RNF220: variants seen among roughly 807,000 people sequenced by gnomAD.
The protein encoded by RNF220 is ring finger protein 220, also known as E3 ubiquitin-protein ligase RNF220.
A neutral mutation model predicts 67.1 loss-of-function variants in RNF220; 7 were observed. The ratio of observed to expected loss-of-function variants is 0.10; its 90% CI spans 0.06 to 0.20. The LOEUF is 0.20. Among genes scored for constraint, RNF220 ranks in the 10% least tolerant of loss-of-function variants. RNF220 has a pLI of 1.00. For synonymous variants in RNF220, 270 were observed against 283.2 expected, an observed-to-expected ratio of 0.95 and a Z score of 0.47; for missense variants, 565 against 740.3, an observed-to-expected ratio of 0.76 and a Z score of 2.75.
intron 2 of RNF220, among the ~76,000 whole-genome samples, chr1:44,431,460 C>G (rs1040974039): frequency 4.0e-5 from 6 of 149,890 alleles, no homozygotes; most frequent in Non-Finnish European, 8.9e-5. Context: ...CCACTGCACT[C>G]CAGCCTGGGC....
chr1:44,450,958 C>T lies in RNF220; in HGVS notation c.625+38236C>T, dbSNP rs183169029. ...CAGCACTTTGGTAGGCCGAGGTGGG[C>T]GGATCACGAGGTCAGGAGATCCAGA... On this transcript the variant is annotated intron_variant, in intron 2 of 14. Transcript: ENST00000361799. 2.3e-3 allele frequency among the ~76,000 whole-genome samples: 348 copies of T among 152,118 alleles called. 1 individual carries two copies. Among genetic ancestry groups the T allele is most frequent in the African/African-American group, 8.0e-3 (334 of 41,494 alleles).
intron 2 of RNF220, among the ~76,000 whole-genome samples, chr1:44,433,750 G>C (rs1650658329): frequency 6.6e-6 from 1 of 152,080 alleles, no homozygotes; most frequent in African/African-American, 2.4e-5. Context: ...GCCTCCTGAG[G>C]CCAGGAGTTC....
At chr1:44,499,152 AT>A (rs757449963) in intron 2 of RNF220, among the ~76,000 whole-genome samples, 71 of 152,100 alleles carry the variant, frequency 4.7e-4, no homozygotes, top group Non-Finnish European at 9.7e-4. Flanking sequence ...TGTAGCTTAG[AT>A]TATCTTCTAG....
chr1:44,552,626 A>C (rs1038736188), intron 2 of RNF220, among the ~76,000 whole-genome samples: 5 of 111,654 alleles, frequency 4.5e-5, no homozygotes, highest in African/African-American at 1.7e-4. Context: ...GCTGGAGTGC[A>C]GTTGCGCAAT....
intron 12 of RNF220, among the ~76,000 whole-genome samples, chr1:44,647,899 G>A (rs1644694729): frequency 1.3e-5 from 2 of 152,176 alleles, no homozygotes; most frequent in African/African-American, 4.8e-5. Flanking sequence ...GAGTACATCT[G>A]TGAAACCTGA....
At position 44,565,763 on chromosome 1, in the gene RNF220, C is replaced by T. The variant is rs1319813623; in HGVS notation, c.626-48402C>T. On this transcript the variant is annotated intron_variant, in intron 2 of 14. Transcript: ENST00000361799. This position sits in a 1 kb window ranked among gnomAD's most constrained non-coding sequence, Gnocchi z 4.2. ...GAAGATCTGTGAACCACTGCCTTCC[C>T]TGCCCCTCCCTGGGTGCCAATGGGA... 2.0e-5 allele frequency among the ~76,000 whole-genome samples: 3 copies of T among 152,172 alleles called. No individual in the cohort carries two copies. The highest frequency in any genetic ancestry group is 4.4e-5 in the Non-Finnish European group (3 of 68,024).
chr1:44,646,661 TG>T (rs1644659376), intron 12 of RNF220, among the ~76,000 whole-genome samples: 1 of 151,434 alleles, frequency 6.6e-6, no homozygotes, highest in Non-Finnish European at 1.5e-5. Context: ...GAGGGGGAGG[TG>T]GGGGCAGAGC....
chr1:44,437,386 G>T (rs1359860176), intron 2 of RNF220, among the ~76,000 whole-genome samples: 1 of 152,184 alleles, frequency 6.6e-6, no homozygotes, highest in African/African-American at 2.4e-5. Context: ...TCTAAAAACT[G>T]TTCCAACCAG....
chr1:44,429,492 A>G (rs1427189043), intron 2 of RNF220, among the ~76,000 whole-genome samples: 1 of 152,142 alleles, frequency 6.6e-6, no homozygotes, highest in Admixed American at 6.5e-5. Context: ...ATCGTAAGGG[A>G]CATTTGTGAG....
intron 2 of RNF220, among the ~76,000 whole-genome samples, chr1:44,562,494 A>G (rs959414206): frequency 6.6e-6 from 1 of 152,238 alleles, no homozygotes; most frequent in Non-Finnish European, 1.5e-5. Context: ...ACAAGCATCC[A>G]TAGGTACGTC....
At chr1:44,420,937 A>AC (rs1389462954) in intron 2 of RNF220, among the ~76,000 whole-genome samples, 1 of 152,240 alleles carries the variant, frequency 6.6e-6, no homozygotes, top group Non-Finnish European at 1.5e-5. Flanking sequence ...ATGTAGCCAA[A>AC]CACAGGGTCA....
intron 2 of RNF220, among the ~76,000 whole-genome samples, chr1:44,497,264 C>T (rs1240267820): frequency 2.6e-5 from 4 of 151,998 alleles, no homozygotes; most frequent in Non-Finnish European, 5.9e-5. Flanking sequence ...GCCTACCCTA[C>T]CCACAGTCCA....
At chr1:44,587,308 T>C (rs1454465299) in intron 2 of RNF220, among the ~76,000 whole-genome samples, 1 of 151,550 alleles carries the variant, frequency 6.6e-6, no homozygotes, top group Non-Finnish European at 1.5e-5. Context: ...CCACCACGCC[T>C]GGCTAATTTT....
At chr1:44,598,574 G>A (rs1036164758) in intron 2 of RNF220, among the ~76,000 whole-genome samples, 4 of 152,180 alleles carry the variant, frequency 2.6e-5, no homozygotes, top group East Asian at 1.9e-4. Flanking sequence ...CAGGGGTTCC[G>A]GGTGGGGCTT....
At chr1:44,493,254 G>A (rs1052191027) in intron 2 of RNF220, among the ~76,000 whole-genome samples, 7 of 152,208 alleles carry the variant, frequency 4.6e-5, no homozygotes, top group East Asian at 1.9e-4. Context: ...AGTGGCTTAC[G>A]CCTGTAATCC....
chr1:44,546,193 G>T (rs1480673340), intron 2 of RNF220, among the ~76,000 whole-genome samples: 1 of 152,074 alleles, frequency 6.6e-6, no homozygotes, highest in Non-Finnish European at 1.5e-5. Context: ...AGAAGCTGGC[G>T]AGCTCACTCT....
chr1:44,436,718 A>G (rs762148173), intron 2 of RNF220, among the ~76,000 whole-genome samples: 34 of 152,174 alleles, frequency 2.2e-4, no homozygotes, highest in Non-Finnish European at 7.3e-5. Context: ...GATGCGTGCA[A>G]ATGAACAGAT....
chr1:44,414,782 C>T (rs1204503194), intron 2 of RNF220, among the ~76,000 whole-genome samples: 2 of 151,880 alleles, frequency 1.3e-5, no homozygotes, highest in Non-Finnish European at 2.9e-5. Flanking sequence ...ATTGGAGTCC[C>T]TTTCCTCTTT....
intron 2 of RNF220, among the ~76,000 whole-genome samples, chr1:44,423,376 T>C (rs866636688): frequency 3.9e-5 from 6 of 152,212 alleles, no homozygotes; most frequent in Non-Finnish European, 7.3e-5. Flanking sequence ...TGACCTTGGA[T>C]GTCTATAGCA....
Sources: allele counts gnomAD v4.1 joint callset (sites outside exome capture counted in the v4.1 genomes callset), GRCh38; gene constraint gnomAD v4.1.1; non-coding constraint Gnocchi (gnomAD v3.1); transcripts MANE v1.5; gene names NCBI Gene and HGNC (gene_info 2026-07-23, HGNC 2026-07-21).